TRIM22: variants seen among roughly 807,000 people sequenced by gnomAD.
TRIM22 encodes the protein tripartite motif containing 22.
TRIM22 carries 45 observed loss-of-function variants against 53.6 expected under a neutral mutation model. The observed-to-expected ratio is 0.84, with a 90% CI of 0.66 to 1.08. The LOEUF is 1.08. Ranked by LOEUF, TRIM22 falls within the 50% of genes least tolerant of loss-of-function variation. The pLI is 0.00. For missense variants in TRIM22, 616 were observed against 590.9 expected (o/e 1.04, Z -0.44); for synonymous variants, 225 against 216.6 (o/e 1.04, Z -0.34).
chr11:5,695,844 T>G lies in TRIM22; in HGVS notation c.-66-323T>G, dbSNP rs942535616. Among the ~76,000 whole-genome samples, 7 of 152,102 alleles carry G rather than the reference T, an allele frequency of 4.6e-5. No homozygotes were observed. The East Asian group carries it at 1.4e-3, about 29-fold the overall frequency. The stretch of plus-strand genomic sequence containing the variant: ...AGTGCATTTAACATGGAAAATGTGT[T>G]TTGGGTTGGGGAACAAAAGGCAGGA... On this transcript the variant is annotated intron_variant, in intron 1 of 7. Coordinates refer to ENST00000379965, the MANE Select transcript of TRIM22 (RefSeq NM_006074.5).
intron 4 of TRIM22, among the ~76,000 whole-genome samples, chr11:5,700,016 G>T (rs1228255238): frequency 6.7e-6 from 1 of 150,224 alleles, no homozygotes; most frequent in Non-Finnish European, 1.5e-5. Flanking sequence ...AGTCATAGAA[G>T]AGTTTTTTTT....
At chr11:5,699,529 TCAAAAAAAAAAAAAAAAAAAA>T (rs1853329799) in intron 4 of TRIM22, among the ~76,000 whole-genome samples, 1 of 38,440 alleles carries the variant, frequency 2.6e-5, no homozygotes, top group Admixed American at 5.4e-4. Context: ...AGACTCCGTC[TCAAAAAAAAAAAAAAAAAAAA>T]AAAAAAAAAA....
At chr11:5,704,422 T>C (rs73404224) in intron 4 of TRIM22, among the ~76,000 whole-genome samples, 24,566 of 152,134 alleles carry the variant, frequency 0.16, 2,188 homozygotes, top group Middle Eastern at 0.25. Flanking sequence ...TATCAGTTTT[T>C]AGGATGTTCT....
chr11:5,703,707 G>A (rs1054550745), intron 4 of TRIM22, among the ~76,000 whole-genome samples: 2 of 151,750 alleles, frequency 1.3e-5, no homozygotes, highest in African/African-American at 4.8e-5. Context: ...TTATGACTAT[G>A]TAGTATTCCA....
chr11:5,708,338 G>T, intron 6 of TRIM22, 65 bp downstream of exon 6: 1 of 1,488,856 alleles, frequency 6.7e-7, no homozygotes, highest in Non-Finnish European at 9.3e-7. Flanking sequence ...ATAGGGAAGC[G>T]GGAGGTTTTT....
rs536466167 is a variant in TRIM22, at chr11:5,699,384, C to T, written c.750+839C>T. On this transcript the variant is annotated intron_variant, in intron 4 of 7. Coordinates refer to ENST00000379965, the MANE Select transcript of TRIM22 (RefSeq NM_006074.5). ...CTAAAAATACAAAAAATTAGCCGGGCGCGGTGGCGGGCGCCTGTAGTCCCA... is the reference window on the plus strand; with the variant it reads ...CTAAAAATACAAAAAATTAGCCGGGTGCGGTGGCGGGCGCCTGTAGTCCCA... Among the ~76,000 whole-genome samples, 51 of 143,094 alleles carry T rather than the reference C, an allele frequency of 3.6e-4. 2 individuals are homozygous for T. The highest frequency in any genetic ancestry group is 7.0e-4 in the Non-Finnish European group (47 of 66,730). 93.9% of individuals were successfully genotyped at this position (143,094 alleles called of 152,430 possible).
intron 4 of TRIM22, among the ~76,000 whole-genome samples, chr11:5,703,574 A>T (rs1422605952): frequency 6.6e-6 from 1 of 151,650 alleles, no homozygotes; most frequent in Non-Finnish European, 1.5e-5. Context: ...TTTAGTAGAG[A>T]CGGGGTTTCA....
chr11:5,695,800 CA>C (rs1277600413), intron 1 of TRIM22, among the ~76,000 whole-genome samples: 1 of 152,080 alleles, frequency 6.6e-6, no homozygotes, highest in Non-Finnish European at 1.5e-5. Flanking sequence ...TGTGCAAGCC[CA>C]GGGGCAGGGG....
intron 4 of TRIM22, among the ~76,000 whole-genome samples, chr11:5,704,079 C>A (rs1054640377): frequency 1.3e-5 from 2 of 152,166 alleles, no homozygotes; most frequent in African/African-American, 4.8e-5. Flanking sequence ...AGAAAGCAGT[C>A]TGGAGGTTTC....
chr11:5,691,215 C>A (rs2134169216), intron 1 of TRIM22: 1 of 152,348 alleles, frequency 6.6e-6, no homozygotes. Flanking sequence ...GGGGCATAGG[C>A]AAGACTCCTG....
rs780672284 is a variant in TRIM22 at position 5,698,330 on chromosome 11, G to A, written c.535G>A (p.Glu179Lys). Residue 179 changes from glutamate to lysine, a missense_variant, in exon 4 of 8, where the codon GAG becomes AAG. Glu to Lys is a moderately conservative substitution (Grantham distance 56, BLOSUM62 1). Transcript: ENST00000379965. ...RTAWKNYIQI[E>K]RQKILKGFNE... Reference sequence around the variant, plus strand: ...CATTCCCAAGAATTATATCCAGATCGAGAGACAGAAGATTCTGAAAGGGTT... The same window carrying A: ...CATTCCCAAGAATTATATCCAGATCAAGAGACAGAAGATTCTGAAAGGGTT... 5.6e-6 allele frequency: 9 copies of A among 1,613,994 alleles called. No homozygotes were observed. In the South Asian group the frequency reaches 6.6e-5, roughly 12 times the overall value.
chr11:5,702,795 T>G (rs940462103), intron 4 of TRIM22, among the ~76,000 whole-genome samples: 2 of 152,228 alleles, frequency 1.3e-5, no homozygotes. Context: ...GATCTGAATT[T>G]CAGACATATA....
chr11:5,694,483 C>A (rs1853225334), intron 1 of TRIM22, among the ~76,000 whole-genome samples: 1 of 152,132 alleles, frequency 6.6e-6, no homozygotes, highest in South Asian at 2.1e-4. Context: ...ATTTCTATAC[C>A]CCCAATAGCA....
At chr11:5,708,925 A>C (rs1342046535) in intron 7 of TRIM22, 128 bp from the exon 8 acceptor site, 1 of 755,048 alleles carries the variant, frequency 1.3e-6, no homozygotes, top group Non-Finnish European at 2.1e-6. Flanking sequence ...GGGTCCTACT[A>C]ACCTCTGACT....
chr11:5,693,261 C>G (rs1238055226), intron 1 of TRIM22, among the ~76,000 whole-genome samples: 1 of 140,976 alleles, frequency 7.1e-6, no homozygotes, highest in Non-Finnish European at 1.5e-5. Context: ...TCAGAGTATT[C>G]TGAAACAAGG....
chr11:5,703,332 A>G (rs918485046), intron 4 of TRIM22, among the ~76,000 whole-genome samples: 2 of 151,906 alleles, frequency 1.3e-5, no homozygotes, highest in African/African-American at 4.8e-5. Context: ...TTTGCTTAGG[A>G]TTATGGCCTC....
chr11:5,695,833 G>A (rs4910837), intron 1 of TRIM22, among the ~76,000 whole-genome samples: 69,024 of 151,992 alleles, frequency 0.45, 16,080 homozygotes, highest in Non-Finnish European at 0.5. Context: ...CATTTAACAT[G>A]GAAAATGTGT....
chr11:5,703,349 C>T (rs1221362125), intron 4 of TRIM22, among the ~76,000 whole-genome samples: 1 of 152,014 alleles, frequency 6.6e-6, no homozygotes, highest in Non-Finnish European at 1.5e-5. Flanking sequence ...CCTCCAGCTG[C>T]ATCCATGTTG....
chr11:5,697,366 G>A, intron 3 of TRIM22, 23 bp downstream of exon 3: 2 of 1,573,734 alleles, frequency 1.3e-6, no homozygotes, highest in South Asian at 1.1e-5. Flanking sequence ...ACCTCCTAAG[G>A]GATAATTAGA....
Sources: gnomAD v4.1 joint callset for allele counts (sites outside exome capture counted in the v4.1 genomes callset) on GRCh38, gnomAD v4.1.1 for gene constraint, MANE v1.5 for transcripts, NCBI Gene and HGNC (gene_info 2026-07-23, HGNC 2026-07-21) for gene names.